The following TLR8 variants were observed in gnomAD, a reference collection of about 807,000 sequenced individuals.
TLR8 encodes the protein toll like receptor 8.
A neutral mutation model predicts 18.5 loss-of-function variants in TLR8; 5 were observed. The ratio of observed to expected loss-of-function variants is 0.27; its 90% confidence interval spans 0.14 to 0.57. The LOEUF (loss-of-function observed/expected upper bound fraction) is 0.57, where lower values mean the gene tolerates loss of function less well. TLR8 is among the 20% of genes least tolerant of loss of function. TLR8 has a pLI of 0.92. For missense variants in TLR8, 543 were observed against 769.8 expected, an observed-to-expected ratio of 0.71 and a Z score of 3.49; for synonymous variants, 299 against 300.1, an observed-to-expected ratio of 1.00 and a Z score of 0.04.
chrX:12,907,620 G>A (rs7064111), intron 1 of TLR8, among the ~76,000 whole-genome samples: 2,653 of 111,384 alleles, frequency 0.024, 81 homozygotes, highest in African/African-American at 0.082. Flanking sequence ...TCCGCCTCCC[G>A]GGTTCAAGCG....
intron 1 of TLR8, 134 bp downstream of exon 1, chrX:12,906,843 C>T (rs917959675): frequency 1.9e-6 from 1 of 518,302 alleles, no homozygotes; most frequent in Non-Finnish European, 2.8e-6. Context: ...AATTAAAGAT[C>T]GAAACAACTG....
In TLR8 at chrX:12,923,077, G is replaced by A. The variant is rs1293004918; in HGVS notation, c.*911G>A. The A allele has an allele frequency of 8.9e-6, 1 of 111,928 alleles. No homozygotes were observed. Among genetic ancestry groups the A allele is most frequent in the Non-Finnish European group, 1.9e-5 (1 of 53,194 alleles). The allele number at this position is 111,928 out of a possible 1,213,427, so 9.2% of individuals were successfully genotyped here. A position where few individuals can be genotyped will look rare whatever the true frequency, so the allele number is the denominator to read the frequency against. On this transcript the variant is annotated 3_prime_UTR_variant, in exon 2 of 2. Transcript: ENST00000218032. ...TTTTACTTCTTACCATTTTTTAAAAGTATGCAGCTAAATTCGAAGCTTTTG... is the reference window on the plus strand; with the variant it reads ...TTTTACTTCTTACCATTTTTTAAAAATATGCAGCTAAATTCGAAGCTTTTG...
At chrX:12,914,864 C>T (rs1343504865) in intron 1 of TLR8, among the ~76,000 whole-genome samples, 2 of 111,144 alleles carry the variant, frequency 1.8e-5, no homozygotes, top group Admixed American at 9.6e-5. Context: ...ATTGGGGAGA[C>T]GTTGGTAATA....
chrX:12,919,587 T>A lies in TLR8; in HGVS notation c.547T>A (p.Phe183Ile). 1 of 1,208,305 alleles carries A rather than the reference T, an allele frequency of 8.3e-7. No individual in the cohort carries two copies. Among genetic ancestry groups the A allele is most frequent in the African/African-American group, 1.7e-5 (1 of 57,580 alleles). Residue 183 changes from phenylalanine (F) to isoleucine (I), a missense_variant, in exon 2 of 2, where the codon TTT (phenylalanine) becomes ATT (isoleucine). By Grantham distance (21) the Phe-to-Ile change is conservative. Coordinates refer to ENST00000218032, the MANE Select transcript of TLR8 (RefSeq NM_138636.5). ...TCTCTATTTGGCCTGGAACTGCTAT[T>A]TTAACAAAGTTTGCGAGAAAACTAA... ...KNLYLAWNCY[F>I]NKVCEKTNIE...
chrX:12,918,615 C>G (rs1168832400), intron 1 of TLR8, among the ~76,000 whole-genome samples: 1 of 110,998 alleles, frequency 9.0e-6, no homozygotes, highest in Non-Finnish European at 1.9e-5. Context: ...CTCACTGCAG[C>G]CTCGACCTCA....
chrX:12,914,630 C>T (rs1351954890), intron 1 of TLR8, among the ~76,000 whole-genome samples: 1 of 111,553 alleles, frequency 9.0e-6, no homozygotes, highest in Non-Finnish European at 1.9e-5. Context: ...ACAACCTCTA[C>T]CTCCCTTTAT....
chrX:12,919,190 C>T lies in TLR8; in HGVS notation c.150C>T (p.Ser50=). The change falls in exon 2 of 2, where the codon AGC becomes AGT. Residue 50 remains serine, a synonymous_variant. Transcript: ENST00000218032. ...ATGACTCAGTTATTGCAGAGTGCAG[C>T]AATCGTCGACTACAGGAAGTTCCCC... is the stretch of plus-strand genomic sequence containing the variant. ...KQNDSVIAEC[S]NRRLQEVPQT... 1 of 1,211,948 alleles carries T rather than the reference C, an allele frequency of 8.3e-7. No individual in the cohort carries two copies. The highest frequency in any genetic ancestry group is 1.1e-6 in the Non-Finnish European group (1 of 895,545).
chrX:12,912,190 A>G (rs1303922106), intron 1 of TLR8, among the ~76,000 whole-genome samples: 2 of 111,496 alleles, frequency 1.8e-5, no homozygotes, highest in Non-Finnish European at 3.8e-5. Flanking sequence ...TTTTATTTGC[A>G]TATTTCTCTT....
At chrX:12,916,095 G>A (rs1291775726) in intron 1 of TLR8, among the ~76,000 whole-genome samples, 1 of 111,047 alleles carries the variant, frequency 9.0e-6, no homozygotes, top group East Asian at 2.8e-4. Flanking sequence ...TGGCCAGGCT[G>A]GTCTCGAACT....
rs2043107710 is a variant in TLR8 at position 12,923,119 on chromosome X, GC to G, written c.*955del. 9.0e-6 allele frequency: 1 copy of G among 111,626 alleles called. No individual in the cohort carries two copies. The highest frequency in any genetic ancestry group is 1.9e-5 in the Non-Finnish European group (1 of 53,132). 9.2% of individuals were successfully genotyped at this position (111,626 alleles called of 1,213,427 possible). ...AAGCTTTTGGTCTATATTGTTAATT[GC>G]CATTGCTGTAAATCTTAAAATGAAT... On this transcript the variant is annotated 3_prime_UTR_variant, in exon 2 of 2. Coordinates refer to ENST00000218032, the MANE Select transcript of TLR8 (RefSeq NM_138636.5).
intron 1 of TLR8, among the ~76,000 whole-genome samples, chrX:12,907,174 A>G (rs2042990520): frequency 8.9e-6 from 1 of 112,357 alleles, no homozygotes; most frequent in Non-Finnish European, 1.9e-5. Flanking sequence ...CCTGAGCTTA[A>G]CCTACTGTTG....
At chrX:12,907,715 C>CG (rs1465950171) in intron 1 of TLR8, among the ~76,000 whole-genome samples, 10 of 110,033 alleles carry the variant, frequency 9.1e-5, no homozygotes, top group Non-Finnish European at 1.9e-4. Context: ...TTAGTAGAGA[C>CG]GGGGTTTCTC....
At position 12,919,814 on chromosome X, in the gene TLR8, G is replaced by A. The variant is rs1215296278; in HGVS notation, c.774G>A (p.Pro258=). The A allele has an allele frequency of 5.0e-6, 6 of 1,208,868 alleles. No individual in the cohort carries two copies. The highest frequency in any genetic ancestry group is 2.3e-4 in the Middle Eastern group (1 of 4,350). ...LTLLDLSGNC[P]RCFNAPFPCV... ...TACTAGATTTAAGCGGGAACTGTCC[G>A]AGGTGCTTCAATGCCCCATTTCCAT... The change falls in exon 2 of 2, where the codon CCG becomes CCA. Residue 258 remains proline (P), a synonymous_variant. Transcript: ENST00000218032.
At chrX:12,916,908 G>C (rs925288416) in intron 1 of TLR8, among the ~76,000 whole-genome samples, 3 of 111,109 alleles carry the variant, frequency 2.7e-5, no homozygotes, top group African/African-American at 9.9e-5. Context: ...TTCCTTGCTA[G>C]CTGCCTGCAG....
intron 1 of TLR8, 102 bp downstream of exon 1, chrX:12,906,811 T>C: frequency 1.4e-6 from 1 of 702,112 alleles, no homozygotes; most frequent in Admixed American, 4.3e-5. Context: ...TAGAAAGTAA[T>C]AAATGGGCAA....
rs773087679 is a variant in TLR8, at chrX:12,921,183, C to T, written c.2143C>T (p.Arg715Trp). Residue 715 changes from arginine (R) to tryptophan (W), a missense_variant, in exon 2 of 2, where the codon CGG becomes TGG. By Grantham distance (101) the Arg-to-Trp change is moderately radical (BLOSUM62 -3). Around this residue, in one of 4 missense-constraint regions of TLR8, gnomAD observed 227 missense variants for 312.9 expected, o/e 0.73. Coordinates refer to ENST00000218032, the MANE Select transcript of TLR8 (RefSeq NM_138636.5). ...DSLSDFTSSL[R>W]TLLLSHNRIS... is the part of the protein sequence containing the mutation. ...CCTATCTGACTTTACATCTTCCCTT[C>T]GGACACTGCTGCTGAGTCATAACAG... The T allele has an allele frequency of 2.5e-6, 3 of 1,211,878 alleles. No individual in the cohort carries two copies. The highest frequency in any genetic ancestry group is 3.3e-6 in the Non-Finnish European group (3 of 895,557).
intron 1 of TLR8, among the ~76,000 whole-genome samples, chrX:12,917,247 C>T (rs1014836183): frequency 8.9e-6 from 1 of 112,245 alleles, no homozygotes; most frequent in Non-Finnish European, 1.9e-5. Context: ...TAAGCAGCAA[C>T]ATCACGATAG....
chrX:12,914,292 G>C (rs955389786), intron 1 of TLR8, among the ~76,000 whole-genome samples: 3 of 111,636 alleles, frequency 2.7e-5, no homozygotes, highest in Non-Finnish European at 3.8e-5. Context: ...AAAAAGATGA[G>C]AAAATTGTTC....
Position 12,922,878 on chromosome X carries a change from C to T in TLR8, c.*712C>T, listed in dbSNP as rs2043106014. 1 of 112,071 alleles carries T rather than the reference C, an allele frequency of 8.9e-6. No homozygotes were observed. Among genetic ancestry groups the T allele is most frequent in the African/African-American group, 3.2e-5 (1 of 30,805 alleles). 9.2% of individuals were successfully genotyped at this position (112,071 alleles called of 1,213,427 possible). On this transcript the variant is annotated 3_prime_UTR_variant, in exon 2 of 2. Coordinates refer to ENST00000218032, the MANE Select transcript of TLR8 (RefSeq NM_138636.5). ...AACTTTTGCCACTGTGACTAATGGT[C>T]CTAATATTAAGCTGTTGTTTATATT...
Sources: gnomAD v4.1 joint callset for allele counts (sites outside exome capture counted in the v4.1 genomes callset) on GRCh38, gnomAD v4.1.1 for gene constraint, gnomAD v4.1.1 regional missense constraint, MANE v1.5 for transcripts, NCBI Gene and HGNC (gene_info 2026-07-23, HGNC 2026-07-21) for gene names.